The following RANBP2 variants were observed in gnomAD, a reference collection of about 807,000 sequenced individuals.
RANBP2 encodes RAN binding protein 2.
In RANBP2, 57 loss-of-function variants were observed where a neutral mutation model predicts 303.6. That is an observed-to-expected ratio of 0.19 (90% CI 0.15 to 0.23). RANBP2 has a LOEUF of 0.23. Among genes scored for constraint, RANBP2 ranks in the 10% least tolerant of loss-of-function variants. RANBP2 has a pLI of 1.00. For synonymous variants in RANBP2, 1,167 were observed against 1,301.5 expected, an observed-to-expected ratio of 0.90 and a Z score of 2.23; for missense variants, 3,138 against 3,780.8, an observed-to-expected ratio of 0.83 and a Z score of 4.46.
At chr2:109,440,384 G>A in the RANBP2 span, among the ~76,000 whole-genome samples, 10 of 152,336 alleles carry the variant, frequency 6.6e-5, no homozygotes, top group South Asian at 1.7e-3. Flanking sequence ...CAGTGAAGCC[G>A]AAAAGCTAAG....
chr2:109,644,562 T>C, the RANBP2 span, among the ~76,000 whole-genome samples: 1 of 152,186 alleles, frequency 6.6e-6, no homozygotes, highest in Admixed American at 6.5e-5. Flanking sequence ...AAAAACTGTC[T>C]GCAAAATAGC....
At chr2:108,868,124 A>G in the RANBP2 span, among the ~76,000 whole-genome samples, 141 of 152,266 alleles carry the variant, frequency 9.3e-4, no homozygotes, top group African/African-American at 3.2e-3. Context: ...TTAAAAATGT[A>G]TAACCGCTAT....
chr2:109,018,200 T>C, the RANBP2 span, among the ~76,000 whole-genome samples: 2 of 152,128 alleles, frequency 1.3e-5, no homozygotes, highest in African/African-American at 2.4e-5. Flanking sequence ...TGTAAGCCCA[T>C]TGTGGGGGTT....
intron 23 of RANBP2, among the ~76,000 whole-genome samples, chr2:108,773,663 G>T (rs186410598): frequency 6.3e-4 from 95 of 149,928 alleles, no homozygotes; most frequent in Non-Finnish European, 5.8e-4. Flanking sequence ...TTTTTTTTGG[G>T]GGGGGATGGA....
chr2:109,258,453 C>T, the RANBP2 span, among the ~76,000 whole-genome samples: 1 of 152,162 alleles, frequency 6.6e-6, no homozygotes, highest in Non-Finnish European at 1.5e-5. Flanking sequence ...TGGAGGCTTC[C>T]TCGGGCCCTC....
the RANBP2 span, among the ~76,000 whole-genome samples, chr2:108,838,626 T>C: frequency 2.0e-5 from 3 of 152,152 alleles, no homozygotes; most frequent in Admixed American, 6.5e-5. Context: ...TTCATAGACA[T>C]CCTTAAACAG....
At chr2:108,841,335 A>T in the RANBP2 span, among the ~76,000 whole-genome samples, 4 of 152,134 alleles carry the variant, frequency 2.6e-5, no homozygotes, top group Admixed American at 2.0e-4. Flanking sequence ...GTCCTGTTCT[A>T]TCAAGTGTGG....
chr2:109,072,423 G>A, the RANBP2 span, among the ~76,000 whole-genome samples: 2 of 152,148 alleles, frequency 1.3e-5, no homozygotes, highest in Non-Finnish European at 2.9e-5. Context: ...TGGATACTTA[G>A]GGCATCTGGT....
At chr2:109,185,211 G>A in the RANBP2 span, among the ~76,000 whole-genome samples, 14 of 152,140 alleles carry the variant, frequency 9.2e-5, no homozygotes, top group Admixed American at 3.3e-4. Context: ...TTATTTTTCC[G>A]TATATTTATC....
the RANBP2 span, among the ~76,000 whole-genome samples, chr2:109,506,838 T>C: frequency 6.6e-6 from 1 of 152,102 alleles, no homozygotes; most frequent in Non-Finnish European, 1.5e-5. Flanking sequence ...GAGGTGGGAC[T>C]GCTATCATAT....
chr2:109,050,354 A>G, the RANBP2 span, among the ~76,000 whole-genome samples: 2 of 152,044 alleles, frequency 1.3e-5, no homozygotes, highest in East Asian at 3.9e-4. Context: ...CCTGGGCTCA[A>G]GTAATCCTCC....
the RANBP2 span, chr2:108,910,605 G>C: frequency 7.0e-7 from 1 of 1,436,594 alleles, no homozygotes; most frequent in Non-Finnish European, 9.8e-7. Flanking sequence ...GCCCAACCCT[G>C]CTCTTCCTGT....
At chr2:109,133,696 T>C in the RANBP2 span, among the ~76,000 whole-genome samples, 3 of 151,508 alleles carry the variant, frequency 2.0e-5, no homozygotes, top group African/African-American at 7.3e-5. Context: ...CTTTCATACA[T>C]GGTCATCTTG....
chr2:108,809,869 G>A, the RANBP2 span, among the ~76,000 whole-genome samples: 1 of 152,092 alleles, frequency 6.6e-6, no homozygotes, highest in Non-Finnish European at 1.5e-5. Flanking sequence ...GCAGCAGCAC[G>A]ATATCTGCTC....
At chr2:109,129,879 G>T in the RANBP2 span, 1 of 1,521,944 alleles carries the variant, frequency 6.6e-7, no homozygotes, top group East Asian at 2.6e-5. Flanking sequence ...CCAACATCTT[G>T]CTGGTGCGAC....
chr2:108,721,817 C>T (rs920771613), intron 1 of RANBP2, among the ~76,000 whole-genome samples: 5 of 152,120 alleles, frequency 3.3e-5, no homozygotes, highest in African/African-American at 7.2e-5. Flanking sequence ...TCGTGGCTCA[C>T]TGCAGCGTTG....
At chr2:109,099,985 G>T in the RANBP2 span, among the ~76,000 whole-genome samples, 3 of 152,040 alleles carry the variant, frequency 2.0e-5, no homozygotes, top group Non-Finnish European at 4.4e-5. Context: ...ATTGTATCTA[G>T]ATTTTCTAGA....
At chr2:108,939,478 G>A in the RANBP2 span, among the ~76,000 whole-genome samples, 13 of 152,338 alleles carry the variant, frequency 8.5e-5, no homozygotes, top group Non-Finnish European at 1.9e-4. Context: ...AGATTACCAG[G>A]TGGGGAGGTC....
the RANBP2 span, among the ~76,000 whole-genome samples, chr2:109,162,439 G>C: frequency 6.6e-6 from 1 of 151,910 alleles, no homozygotes; most frequent in South Asian, 2.1e-4. Flanking sequence ...TATACTTTAA[G>C]TTTTAGGGTA....
Sources: gnomAD v4.1 joint callset for allele counts (sites outside exome capture counted in the v4.1 genomes callset) on GRCh38, gnomAD v4.1.1 for gene constraint, MANE v1.5 for transcripts, NCBI Gene and HGNC (gene_info 2026-07-23, HGNC 2026-07-21) for gene names.